Variants in SKAP1 observed in about 807,000 individuals in gnomAD.
The protein encoded by SKAP1 is src kinase associated phosphoprotein 1.
A neutral mutation model predicts 58.5 loss-of-function variants in SKAP1; 44 were observed. That is an observed-to-expected ratio of 0.75 (90% CI 0.59 to 0.97). The LOEUF (loss-of-function observed/expected upper bound fraction) is 0.97. Ranked by LOEUF, SKAP1 falls within the 50% of genes least tolerant of loss-of-function variation. The pLI, the probability that SKAP1 is intolerant of heterozygous loss-of-function variation, is 0.00. For synonymous variants in SKAP1, 127 were observed against 149.7 expected, an observed-to-expected ratio of 0.85 and a Z score of 1.11; for missense variants, 390 against 435.2, an observed-to-expected ratio of 0.90 and a Z score of 0.92.
intron 2 of SKAP1, among the ~76,000 whole-genome samples, chr17:48,372,117 G>T (rs1181604344): frequency 3.3e-5 from 5 of 151,246 alleles, no homozygotes; most frequent in Non-Finnish European, 7.4e-5. Flanking sequence ...GATTACAAAC[G>T]TGTGCCACCA....
At chr17:48,266,170 G>A (rs191779776) in intron 4 of SKAP1, among the ~76,000 whole-genome samples, 6 of 151,884 alleles carry the variant, frequency 4.0e-5, no homozygotes, top group Admixed American at 3.3e-4. Flanking sequence ...ACACACACTA[G>A]CCTAGTCTAT....
chr17:48,316,317 C>G (rs2066286236), intron 4 of SKAP1, among the ~76,000 whole-genome samples: 1 of 152,112 alleles, frequency 6.6e-6, no homozygotes, highest in African/African-American at 2.4e-5. Flanking sequence ...CTTGATTATT[C>G]CCTGAAGACA....
At chr17:48,319,415 A>C (rs1378050071) in intron 4 of SKAP1, among the ~76,000 whole-genome samples, 1 of 152,194 alleles carries the variant, frequency 6.6e-6, no homozygotes, top group Admixed American at 6.5e-5. Context: ...ATTGGAGAAG[A>C]CTTTTTCAAC....
At chr17:48,300,531 G>A (rs1447011865) in intron 4 of SKAP1, among the ~76,000 whole-genome samples, 2 of 152,180 alleles carry the variant, frequency 1.3e-5, no homozygotes, top group African/African-American at 2.4e-5. Context: ...GAGATTGCAT[G>A]TGATTTTCCA....
At chr17:48,211,315 T>C in intron 4 of SKAP1, among the ~76,000 whole-genome samples, 1 of 152,110 alleles carries the variant, frequency 6.6e-6, no homozygotes, top group East Asian at 1.9e-4. Flanking sequence ...TTATGAGTTG[T>C]CTGCAAATCA....
At chr17:48,382,181 T>TAA (rs11285092) in intron 2 of SKAP1, among the ~76,000 whole-genome samples, 67 of 137,570 alleles carry the variant, frequency 4.9e-4, no homozygotes, top group Middle Eastern at 7.3e-3. Context: ...CTATTATTCT[T>TAA]AAAAAAAAAA....
At chr17:48,350,770 G>A (rs1472833536) in intron 3 of SKAP1, among the ~76,000 whole-genome samples, 3 of 152,024 alleles carry the variant, frequency 2.0e-5, no homozygotes, top group Admixed American at 6.5e-5. Flanking sequence ...ACTTCACCAA[G>A]TATCTCTGGA....
the SKAP1 span, among the ~76,000 whole-genome samples, chr17:48,438,834 A>C: frequency 6.6e-6 from 1 of 152,220 alleles, no homozygotes; most frequent in Non-Finnish European, 1.5e-5. Flanking sequence ...TAAGCTCTAC[A>C]GAAGGGCTGG....
chr17:48,437,212 C>T, the SKAP1 span, among the ~76,000 whole-genome samples: 7 of 152,190 alleles, frequency 4.6e-5, no homozygotes, highest in African/African-American at 1.7e-4. Context: ...ATTGTTATTT[C>T]CTCTCTCCTT....
chr17:48,387,362 G>A (rs1048922127), intron 2 of SKAP1, among the ~76,000 whole-genome samples: 9 of 151,916 alleles, frequency 5.9e-5, no homozygotes, highest in African/African-American at 1.5e-4. Flanking sequence ...TCCCTCCACC[G>A]TGCCTGTAAC....
chr17:48,137,527 T>C (rs1358643827), intron 11 of SKAP1, among the ~76,000 whole-genome samples, 190 bp from the exon 12 acceptor site: 1 of 152,232 alleles, frequency 6.6e-6, no homozygotes, highest in Admixed American at 6.5e-5. Flanking sequence ...GCACTTTCCT[T>C]TTGCCATCTT....
intron 3 of SKAP1, among the ~76,000 whole-genome samples, chr17:48,362,143 C>T (rs1452970303): frequency 2.6e-5 from 4 of 152,196 alleles, no homozygotes; most frequent in Non-Finnish European, 5.9e-5. Flanking sequence ...AAACTATTTT[C>T]ACTTGTCTCC....
intron 1 of SKAP1, among the ~76,000 whole-genome samples, chr17:48,422,164 T>C (rs1471555408): frequency 2.6e-5 from 4 of 152,022 alleles, no homozygotes; most frequent in East Asian, 1.9e-4. Flanking sequence ...TAAGCCAAGA[T>C]TGCACCACTG....
At chr17:48,288,046 A>T (rs542228699) in intron 4 of SKAP1, among the ~76,000 whole-genome samples, 38 of 152,342 alleles carry the variant, frequency 2.5e-4, no homozygotes, top group African/African-American at 9.1e-4. Flanking sequence ...GGAACTTGGT[A>T]TATCTTTAAT....
chr17:48,182,704 T>A lies in SKAP1; in HGVS notation c.568-247A>T, dbSNP rs3805372. On this transcript the variant is annotated intron_variant, in intron 7 of 12. Transcript: ENST00000336915. ...GACATTCATGTCCTTGTGCATTCTT[T>A]CATTTGATTATCTATTCCTTCATCA... Among the ~76,000 whole-genome samples the A allele has an allele frequency of 5.8e-3, 888 of 152,352 alleles. 48 individuals carry two copies. The East Asian group carries it at 0.13, about 22-fold the overall frequency.
intron 1 of SKAP1, among the ~76,000 whole-genome samples, chr17:48,402,712 T>C (rs2067514906): frequency 6.6e-6 from 1 of 152,158 alleles, no homozygotes; most frequent in South Asian, 2.1e-4. Flanking sequence ...AAATGTAGCA[T>C]ACAATGGAAT....
intron 4 of SKAP1, among the ~76,000 whole-genome samples, chr17:48,213,956 G>A (rs1203222359): frequency 6.6e-6 from 1 of 152,126 alleles, no homozygotes; most frequent in East Asian, 1.9e-4. Context: ...GCTGCTCTTG[G>A]AGAGAGAAAG....
At chr17:48,204,059 A>G (rs2064762052) in intron 4 of SKAP1, 2 of 151,946 alleles carry the variant, frequency 1.3e-5, no homozygotes, top group South Asian at 4.2e-4. Context: ...AAGAAGAAGA[A>G]CCAAGATATA....
chr17:48,199,344 C>G (rs2143600080), intron 4 of SKAP1, among the ~76,000 whole-genome samples: 1 of 152,288 alleles, frequency 6.6e-6, no homozygotes, highest in African/African-American at 2.4e-5. Flanking sequence ...CATTTTCTCC[C>G]AACTTTGTCA....
Sources: allele counts gnomAD v4.1 joint callset (sites outside exome capture counted in the v4.1 genomes callset), GRCh38; gene constraint gnomAD v4.1.1; transcripts MANE v1.5; gene names NCBI Gene and HGNC (gene_info 2026-07-23, HGNC 2026-07-21).